The following SPATA13 variants were observed in gnomAD, a reference collection of about 807,000 sequenced individuals.
The protein encoded by SPATA13 is spermatogenesis-associated protein 13.
Under a neutral mutation model 104.0 loss-of-function variants are expected in SPATA13, and 50 were observed. The observed-to-expected ratio is 0.48, with a 90% CI of 0.38 to 0.61. SPATA13 has a LOEUF of 0.61. Ranked by LOEUF, SPATA13 falls within the 20% of genes least tolerant of loss-of-function variation. SPATA13 has a pLI of 0.00. For synonymous variants in SPATA13, 606 were observed against 667.5 expected (o/e 0.91, Z 1.42); for missense variants, 1,524 against 1,690.6 (o/e 0.90, Z 1.73).
chr13:24,226,159 A>T (rs1871928191), intron 2 of SPATA13, among the ~76,000 whole-genome samples: 1 of 152,198 alleles, frequency 6.6e-6, no homozygotes, highest in Non-Finnish European at 1.5e-5. Flanking sequence ...GAAAGGCATC[A>T]AGGAAGTTCT....
At chr13:24,128,130 T>C (rs893720282) in intron 3 of SPATA13, among the ~76,000 whole-genome samples, 1 of 152,212 alleles carries the variant, frequency 6.6e-6, no homozygotes, top group Non-Finnish European at 1.5e-5. Flanking sequence ...CCTGGAGTCC[T>C]GGGGCTTTAT....
At chr13:24,030,361 A>C (rs1870391067) in intron 3 of SPATA13, among the ~76,000 whole-genome samples, 1 of 152,142 alleles carries the variant, frequency 6.6e-6, no homozygotes, top group Admixed American at 6.5e-5. Flanking sequence ...AACCCTACCC[A>C]TAGGAGACTT....
Position 24,164,413 on chromosome 13 carries a change from C to G in SPATA13, c.-112+3481C>G, listed in dbSNP as rs1302371863. Among the ~76,000 whole-genome samples, 3 of 152,332 alleles carry G rather than the reference C, an allele frequency of 2.0e-5. No homozygotes were observed. In the South Asian group the frequency reaches 6.2e-4, roughly 32 times the overall value. On this transcript the variant is annotated intron_variant, in intron 1 of 12. Coordinates refer to ENST00000382108, the MANE Select transcript of SPATA13 (RefSeq NM_001166271.3). ...TGTTGAATTGTGATGCTCACCTCCT[C>G]CATACCAGCCTGTCTTGACAGAATG...
intron 2 of SPATA13, among the ~76,000 whole-genome samples, chr13:24,002,939 A>G (rs1427089392): frequency 6.6e-6 from 1 of 151,546 alleles, no homozygotes; most frequent in East Asian, 1.9e-4. Flanking sequence ...TCAATGAAAT[A>G]TTTTTCTTTT....
At chr13:24,197,776 T>A (rs9507276) in intron 1 of SPATA13, among the ~76,000 whole-genome samples, 119,635 of 151,998 alleles carry the variant, frequency 0.79, 50,286 homozygotes, top group Non-Finnish European at 0.94. Flanking sequence ...AAAATATGTA[T>A]AAGGATTAGT....
chr13:24,153,503 A>T (rs1882166046), intron 3 of SPATA13, among the ~76,000 whole-genome samples: 1 of 152,246 alleles, frequency 6.6e-6, no homozygotes, highest in East Asian at 1.9e-4. Context: ...AGGACTCAGC[A>T]TGTGTAAAGT....
At chr13:24,259,593 G>T (rs1873960691) in intron 4 of SPATA13, among the ~76,000 whole-genome samples, 1 of 152,244 alleles carries the variant, frequency 6.6e-6, no homozygotes, top group Middle Eastern at 3.4e-3. Context: ...AAATGGAAAA[G>T]ATTTACTTAT....
intron 4 of SPATA13, among the ~76,000 whole-genome samples, chr13:24,276,035 G>C (rs1383082441): frequency 6.6e-6 from 1 of 152,140 alleles, no homozygotes; most frequent in Non-Finnish European, 1.5e-5. Context: ...GCGCACTGTT[G>C]GTGGGAATGT....
At chr13:24,180,361 C>A (rs1356778214) in intron 1 of SPATA13, among the ~76,000 whole-genome samples, 1 of 152,144 alleles carries the variant, frequency 6.6e-6, no homozygotes, top group Admixed American at 6.5e-5. Context: ...ATATGTCTAT[C>A]CTTGTGCTAG....
intron 2 of SPATA13, among the ~76,000 whole-genome samples, chr13:23,991,452 T>G (rs1593261482): frequency 1.3e-5 from 2 of 152,180 alleles, no homozygotes; most frequent in African/African-American, 4.8e-5. Flanking sequence ...CACTCTCAGA[T>G]GACTTCTTTT....
chr13:24,221,907 G>C (rs1261387255), intron 1 of SPATA13, among the ~76,000 whole-genome samples: 2 of 150,066 alleles, frequency 1.3e-5, no homozygotes, highest in East Asian at 2.0e-4. Context: ...CTGTCTCCCA[G>C]GTTCAAGCGA....
At chr13:24,239,300 A>G (rs1872718415) in intron 2 of SPATA13, among the ~76,000 whole-genome samples, 1 of 152,176 alleles carries the variant, frequency 6.6e-6, no homozygotes, top group African/African-American at 2.4e-5. Flanking sequence ...TGATTTTGAA[A>G]TACTTAGTGG....
intron 2 of SPATA13, 84 bp downstream of exon 2, chr13:24,224,666 C>G (rs967174924): frequency 1.4e-6 from 2 of 1,421,566 alleles, no homozygotes; most frequent in Non-Finnish European, 9.6e-7. Context: ...GGTCCCTAAC[C>G]TGTCAAGGTC....
At chr13:24,111,411 G>C (rs7322473) in intron 3 of SPATA13, among the ~76,000 whole-genome samples, 45,809 of 141,964 alleles carry the variant, frequency 0.32, 7,682 homozygotes, top group African/African-American at 0.36. Context: ...GTCCTGCCCC[G>C]CCACCCCCAC....
chr13:24,123,837 G>A (rs1320379164), intron 3 of SPATA13: 2 of 778,574 alleles, frequency 2.6e-6, no homozygotes, highest in African/African-American at 3.5e-5. Context: ...GGCAGTGAAG[G>A]CCCATTGGGG....
rs1419149618 is a variant in SPATA13 at position 24,288,982 on chromosome 13, A to T, written c.2668-17A>T. ...TTTGGATTTCCAAATAAAAAGTATT[A>T]CTTCTGTATTTTGCAGGGCTATATC... On this transcript the variant is annotated splice_polypyrimidine_tract_variant and intron_variant, in intron 7 of 12. Coordinates refer to ENST00000382108, the MANE Select transcript of SPATA13 (RefSeq NM_001166271.3). 1 of 1,573,276 alleles carries T rather than the reference A, an allele frequency of 6.4e-7. No homozygotes were observed. Among genetic ancestry groups the T allele is most frequent in the East Asian group, 2.2e-5 (1 of 44,472 alleles).
rs956344759 is a variant in SPATA13, at chr13:24,088,819, C to A, written c.-112+71118C>A. Among the ~76,000 whole-genome samples the A allele has an allele frequency of 1.3e-5, 2 of 152,138 alleles. No homozygotes were observed. Among genetic ancestry groups the A allele is most frequent in the African/African-American group, 4.8e-5 (2 of 41,424 alleles). On this transcript the variant is annotated intron_variant, in intron 3 of 14. Coordinates refer to the SPATA13 transcript ENST00000424834. This position sits in a 1 kb window ranked among gnomAD's most constrained non-coding sequence, Gnocchi z 4.3. ...ACCAAAGGCCAGAAATGTGTGACCC[C>A]AGCTTCCGTCAGTGCTGGCTGAGGA...
chr13:24,224,929 A>T (rs1363474859), intron 2 of SPATA13: 3 of 368,212 alleles, frequency 8.1e-6, no homozygotes, highest in Admixed American at 7.7e-5. Context: ...GCTCTGACTC[A>T]TATCTTTCTT....
chr13:24,070,351 C>G (rs1207135123), intron 3 of SPATA13, among the ~76,000 whole-genome samples: 4 of 152,150 alleles, frequency 2.6e-5, no homozygotes, highest in Non-Finnish European at 5.9e-5. Flanking sequence ...TCTGCCGCCC[C>G]CCTACCATAT....
Sources: gnomAD v4.1 joint callset for allele counts (sites outside exome capture counted in the v4.1 genomes callset) on GRCh38, gnomAD v4.1.1 for gene constraint, Gnocchi (gnomAD v3.1) non-coding constraint, MANE v1.5 for transcripts, NCBI Gene and HGNC (gene_info 2026-07-23, HGNC 2026-07-21) for gene names.